PDIA5: variants seen among roughly 807,000 people sequenced by gnomAD.
PDIA5 encodes protein disulfide isomerase family A member 5.
A neutral mutation model predicts 77.6 loss-of-function variants in PDIA5; 58 were observed. That is an observed-to-expected ratio of 0.75 (90% CI 0.61 to 0.93). The LOEUF (loss-of-function observed/expected upper bound fraction) is 0.93, where lower values mean the gene tolerates loss of function less well. Among genes scored for constraint, PDIA5 ranks in the 40% least tolerant of loss-of-function variants. The pLI, the probability that PDIA5 is intolerant of heterozygous loss-of-function variation, is 0.00. For missense variants in PDIA5, 630 were observed against 647.7 expected (o/e 0.97, Z 0.30); for synonymous variants, 250 against 252.1 (o/e 0.99, Z 0.08).
chr3:123,126,861 G>T (rs1209807244), intron 10 of PDIA5, among the ~76,000 whole-genome samples: 1 of 152,240 alleles, frequency 6.6e-6, no homozygotes, highest in Non-Finnish European at 1.5e-5. Flanking sequence ...ACCAGGTGAG[G>T]CAGGGCAGGG....
chr3:123,143,071 C>A (rs1017705862), intron 11 of PDIA5, among the ~76,000 whole-genome samples: 3 of 151,870 alleles, frequency 2.0e-5, no homozygotes, highest in Non-Finnish European at 4.4e-5. Context: ...TAAAAAAAAA[C>A]CTCAGGTCCC....
chr3:123,122,826 T>C (rs1935150754), intron 8 of PDIA5, among the ~76,000 whole-genome samples: 1 of 152,246 alleles, frequency 6.6e-6, no homozygotes, highest in African/African-American at 2.4e-5. Context: ...TTATGTATTA[T>C]TCAGTAAAGT....
rs547990832 is a variant in PDIA5 at position 123,070,917 on chromosome 3, G to A, written c.42+3711G>A. Among the ~76,000 whole-genome samples the A allele has an allele frequency of 2.2e-3, 319 of 148,156 alleles. 4 individuals are homozygous for A. Among genetic ancestry groups the A allele is most frequent in the African/African-American group, 7.6e-3 (307 of 40,478 alleles). On this transcript the variant is annotated intron_variant, in intron 1 of 16. Coordinates refer to ENST00000316218, the MANE Select transcript of PDIA5 (RefSeq NM_006810.4). ...AGTTTTCTGGTCTGCAGTCAAACTGGAAAAAAAAAATGGTGTATTTTTTTG... is the reference window on the plus strand; with the variant it reads ...AGTTTTCTGGTCTGCAGTCAAACTGAAAAAAAAAAATGGTGTATTTTTTTG...
chr3:123,156,463 A>C (rs958876674), intron 15 of PDIA5, among the ~76,000 whole-genome samples: 1 of 152,108 alleles, frequency 6.6e-6, no homozygotes, highest in African/African-American at 2.4e-5. Context: ...CATGTCCCTC[A>C]TTGTTCCCAC....
In PDIA5 at chr3:123,156,860, A is replaced by T. The variant is rs1321589332; in HGVS notation, c.1344+1819A>T. ...GACGTGGCCCCTTTCTGCCCACTAG[A>T]CCGCCGCTGAGGCTGTCCTGTGGCC... is the stretch of plus-strand genomic sequence containing the variant. On this transcript the variant is annotated intron_variant, in intron 15 of 16. Transcript: ENST00000316218. 2.0e-5 allele frequency among the ~76,000 whole-genome samples: 3 copies of T among 152,098 alleles called. No individual in the cohort carries two copies. The South Asian group carries it at 6.2e-4, about 32-fold the overall frequency.
At chr3:123,111,232 C>T (rs1376316550) in intron 7 of PDIA5, among the ~76,000 whole-genome samples, 1 of 152,194 alleles carries the variant, frequency 6.6e-6, no homozygotes. Context: ...AATCTGTGTC[C>T]TTCTACCCTC....
At chr3:123,071,450 A>G (rs368150068) in intron 1 of PDIA5, among the ~76,000 whole-genome samples, 2 of 152,268 alleles carry the variant, frequency 1.3e-5, no homozygotes, top group South Asian at 4.1e-4. Context: ...CTTTTAAGGT[A>G]CACTTATTTA....
At chr3:123,111,517 T>A (rs973643743) in intron 7 of PDIA5, among the ~76,000 whole-genome samples, 2 of 152,218 alleles carry the variant, frequency 1.3e-5, no homozygotes, top group Non-Finnish European at 2.9e-5. Context: ...TTGGGCTCAG[T>A]CCCTGTATGA....
intron 11 of PDIA5, among the ~76,000 whole-genome samples, chr3:123,139,477 G>A (rs1357896349): frequency 6.6e-6 from 1 of 152,214 alleles, no homozygotes; most frequent in Non-Finnish European, 1.5e-5. Flanking sequence ...GGGTCAGAGG[G>A]AATTGATGCT....
chr3:123,144,344 T>C (rs1935709793), intron 11 of PDIA5, among the ~76,000 whole-genome samples: 1 of 152,170 alleles, frequency 6.6e-6, no homozygotes, highest in African/African-American at 2.4e-5. Context: ...CATCCGCTGA[T>C]CCTAGTTAAT....
At chr3:123,103,525 T>C (rs977986044) in intron 5 of PDIA5, among the ~76,000 whole-genome samples, 1 of 152,202 alleles carries the variant, frequency 6.6e-6, no homozygotes, top group African/African-American at 2.4e-5. Flanking sequence ...CCTGTGCTCC[T>C]GTCTCTTCAT....
At chr3:123,127,198 C>G (rs1935260869) in intron 10 of PDIA5, among the ~76,000 whole-genome samples, 1 of 152,210 alleles carries the variant, frequency 6.6e-6, no homozygotes, top group Non-Finnish European at 1.5e-5. Flanking sequence ...GTGTGACCCT[C>G]CCAGTCCTAG....
At chr3:123,091,809 T>G (rs151080124) in intron 2 of PDIA5, among the ~76,000 whole-genome samples, 1 of 152,300 alleles carries the variant, frequency 6.6e-6, no homozygotes, top group African/African-American at 2.4e-5. Context: ...TAGTGTCACT[T>G]ATAGACCTCA....
chr3:123,142,035 G>A (rs778504925), intron 11 of PDIA5, among the ~76,000 whole-genome samples: 1 of 152,226 alleles, frequency 6.6e-6, no homozygotes, highest in East Asian at 1.9e-4. Context: ...TGGAGTATAT[G>A]CATCAGTGTG....
intron 7 of PDIA5, 59 bp from the exon 8 acceptor site, chr3:123,116,172 G>C: frequency 7.1e-7 from 1 of 1,405,332 alleles, no homozygotes; most frequent in Non-Finnish European, 1.0e-6. Flanking sequence ...GGCAGGGCAG[G>C]GTGCAAGGGC....
At chr3:123,150,140 TC>T in intron 13 of PDIA5, 93 bp from the exon 14 acceptor site, 5 of 831,170 alleles carry the variant, frequency 6.0e-6, no homozygotes, top group South Asian at 4.8e-5. Flanking sequence ...TCATGCATGT[TC>T]CCCCGAGTGG....
Position 123,152,007 on chromosome 3 carries a change from T to G in PDIA5, c.1273+1643T>G, listed in dbSNP as rs868157285. Among the ~76,000 whole-genome samples, 335 of 116,888 alleles carry G rather than the reference T, an allele frequency of 2.9e-3. 2 individuals carry two copies. Among genetic ancestry groups the G allele is most frequent in the African/African-American group, 0.012 (231 of 19,798 alleles). The allele number at this position is 116,888 out of a possible 152,430, so 76.7% of individuals were successfully genotyped here. On this transcript the variant is annotated intron_variant, in intron 14 of 16. Coordinates refer to ENST00000316218, the MANE Select transcript of PDIA5 (RefSeq NM_006810.4). ...TTCCTGCCTTCCTGCCTTCCTTCCT[T>G]CCTTCCTTCCTGCCTTCCTTCCTGC...
intron 3 of PDIA5, among the ~76,000 whole-genome samples, chr3:123,092,927 C>T (rs1185806933): frequency 6.6e-6 from 1 of 152,134 alleles, no homozygotes; most frequent in Non-Finnish European, 1.5e-5. Context: ...GTCAAGCTGT[C>T]TATGCCTTGG....
At chr3:123,144,653 G>T (rs906442320) in intron 11 of PDIA5, 4 of 152,234 alleles carry the variant, frequency 2.6e-5, no homozygotes, top group African/African-American at 9.7e-5. Flanking sequence ...GGGAGGCCGA[G>T]GTGGGTGGAT....
Sources: gnomAD v4.1 joint callset for allele counts (sites outside exome capture counted in the v4.1 genomes callset) on GRCh38, gnomAD v4.1.1 for gene constraint, MANE v1.5 for transcripts, NCBI Gene and HGNC (gene_info 2026-07-23, HGNC 2026-07-21) for gene names.